ZFPM2: variants seen among roughly 807,000 people sequenced by gnomAD.
ZFPM2 encodes zinc finger protein, FOG family member 2.
ZFPM2 carries 20 observed loss-of-function variants against 98.6 expected under a neutral mutation model. The observed-to-expected ratio is 0.20, with a 90% CI of 0.14 to 0.29. The LOEUF (loss-of-function observed/expected upper bound fraction) is 0.29, where lower values mean the gene tolerates loss of function less well. ZFPM2 is among the 10% of genes least tolerant of loss of function. The pLI is 1.00. For synonymous variants in ZFPM2, 518 were observed against 502.7 expected, an observed-to-expected ratio of 1.03 and a Z score of -0.41; for missense variants, 1,310 against 1,388.6, an observed-to-expected ratio of 0.94 and a Z score of 0.90.
chr8:105,360,588 G>A (rs1389909676), intron 1 of ZFPM2, among the ~76,000 whole-genome samples: 1 of 151,604 alleles, frequency 6.6e-6, no homozygotes, highest in Non-Finnish European at 1.5e-5. Flanking sequence ...TCATCATCTA[G>A]CATTAGGTAT....
At chr8:105,540,315 A>G (rs1814549436) in intron 3 of ZFPM2, among the ~76,000 whole-genome samples, 1 of 152,080 alleles carries the variant, frequency 6.6e-6, no homozygotes, top group African/African-American at 2.4e-5. Flanking sequence ...CTACTTGAGC[A>G]AGGTTTTGTG....
intron 1 of ZFPM2, among the ~76,000 whole-genome samples, chr8:105,379,901 C>A (rs897548067): frequency 3.3e-5 from 5 of 152,082 alleles, no homozygotes; most frequent in African/African-American, 1.2e-4. Context: ...AATGAGAAAA[C>A]TATAGTCCTA....
chr8:105,668,202 T>G (rs1358674637), intron 5 of ZFPM2, among the ~76,000 whole-genome samples: 2 of 152,220 alleles, frequency 1.3e-5, no homozygotes, highest in Non-Finnish European at 2.9e-5. Flanking sequence ...CAGGTGTGCT[T>G]GTCCTTCACT....
intron 2 of ZFPM2, among the ~76,000 whole-genome samples, chr8:105,424,680 C>G (rs1281587359): frequency 6.6e-6 from 1 of 152,076 alleles, no homozygotes; most frequent in Non-Finnish European, 1.5e-5. Flanking sequence ...CAATTGAAAG[C>G]AAACATAATC....
At chr8:105,634,462 C>T (rs558004008) in intron 5 of ZFPM2, 105 bp downstream of exon 5, 1 of 893,454 alleles carries the variant, frequency 1.1e-6, no homozygotes, top group Non-Finnish European at 1.8e-6. Context: ...TAAATTGATC[C>T]TCTTCCTTTT....
intron 5 of ZFPM2, among the ~76,000 whole-genome samples, chr8:105,687,774 C>T (rs1810775164): frequency 6.6e-6 from 1 of 152,032 alleles, no homozygotes; most frequent in Non-Finnish European, 1.5e-5. Flanking sequence ...TTGTAAGCAT[C>T]ATGTTCAATT....
intron 3 of ZFPM2, among the ~76,000 whole-genome samples, chr8:105,530,659 G>A (rs542286601): frequency 1.3e-5 from 2 of 152,158 alleles, no homozygotes; most frequent in Non-Finnish European, 2.9e-5. Context: ...AAATCTTATT[G>A]GATTAGGGTC....
chr8:105,523,838 A>G (rs1369484073), intron 3 of ZFPM2, among the ~76,000 whole-genome samples: 3 of 152,168 alleles, frequency 2.0e-5, no homozygotes, highest in Admixed American at 2.0e-4. Flanking sequence ...CTCAGCATCA[A>G]CTGAGAGTAA....
intron 5 of ZFPM2, among the ~76,000 whole-genome samples, chr8:105,672,695 T>C (rs146437433): frequency 0.019 from 2,961 of 152,256 alleles, 47 homozygotes; most frequent in Non-Finnish European, 0.029. Context: ...TTCACTAATA[T>C]TGCTGATAGC....
At chr8:105,616,627 C>A in intron 4 of ZFPM2, 2 of 335,592 alleles carry the variant, frequency 6.0e-6, no homozygotes, top group Non-Finnish European at 1.2e-5. Flanking sequence ...GATTTATAAG[C>A]GTTATTTAAT....
chr8:105,484,795 G>A (rs924012850), intron 3 of ZFPM2, among the ~76,000 whole-genome samples: 13 of 152,132 alleles, frequency 8.5e-5, no homozygotes, highest in African/African-American at 2.9e-4. Context: ...CTTTTCTTAG[G>A]GGGCCTTCAT....
rs1186685433 is a variant in ZFPM2, at chr8:105,629,644, A to G, written c.421-4602A>G. Among the ~76,000 whole-genome samples the G allele has an allele frequency of 2.6e-5, 4 of 152,158 alleles. No individual in the cohort carries two copies. The East Asian group carries it at 7.7e-4, about 29-fold the overall frequency. ...TGATGCATTCCTTTCTGGAGGTTCTAGGAGAGAATCCATTTCGTGCTCATT... is the reference window on the plus strand; with the variant it reads ...TGATGCATTCCTTTCTGGAGGTTCTGGGAGAGAATCCATTTCGTGCTCATT... On this transcript the variant is annotated intron_variant, in intron 4 of 7. Coordinates refer to ENST00000407775, the MANE Select transcript of ZFPM2 (RefSeq NM_012082.4).
intron 5 of ZFPM2, among the ~76,000 whole-genome samples, chr8:105,779,605 C>G (rs980809976): frequency 1.3e-5 from 2 of 152,162 alleles, no homozygotes; most frequent in African/African-American, 4.8e-5. Context: ...ATAATTGAAG[C>G]TTTGTCAGCT....
chr8:105,774,685 A>T (rs1443352860), intron 5 of ZFPM2, among the ~76,000 whole-genome samples: 1 of 152,208 alleles, frequency 6.6e-6, no homozygotes, highest in African/African-American at 2.4e-5. Flanking sequence ...GTAAACCTTT[A>T]TGAAGGCATA....
chr8:105,348,083 A>C, intron 1 of ZFPM2, among the ~76,000 whole-genome samples: 1 of 152,272 alleles, frequency 6.6e-6, no homozygotes, highest in South Asian at 2.1e-4. Flanking sequence ...GATAGAAGCA[A>C]GTTCTAACAG....
At chr8:105,529,179 T>C (rs1401350659) in intron 3 of ZFPM2, among the ~76,000 whole-genome samples, 2 of 152,168 alleles carry the variant, frequency 1.3e-5, no homozygotes, top group African/African-American at 4.8e-5. Context: ...GCCTTTCTTC[T>C]GTGTGTCTCT....
intron 3 of ZFPM2, among the ~76,000 whole-genome samples, chr8:105,539,332 A>T (rs1005354537): frequency 6.6e-6 from 1 of 152,314 alleles, no homozygotes; most frequent in East Asian, 1.9e-4. Context: ...CTTTAATTTG[A>T]TCCTGAAAAT....
intron 1 of ZFPM2, among the ~76,000 whole-genome samples, chr8:105,350,071 G>C (rs536146732): frequency 6.6e-6 from 1 of 152,200 alleles, no homozygotes; most frequent in African/African-American, 2.4e-5. Flanking sequence ...AAGATTAGTG[G>C]ATTAAATGAT....
chr8:105,396,004 G>A (rs1811211563), intron 1 of ZFPM2, among the ~76,000 whole-genome samples: 1 of 152,162 alleles, frequency 6.6e-6, no homozygotes, highest in Non-Finnish European at 1.5e-5. Flanking sequence ...ACCTTCAAGT[G>A]TTTAAGCTTG....
Sources: allele counts gnomAD v4.1 joint callset (sites outside exome capture counted in the v4.1 genomes callset), GRCh38; gene constraint gnomAD v4.1.1; transcripts MANE v1.5; gene names NCBI Gene and HGNC (gene_info 2026-07-23, HGNC 2026-07-21).